Variants in ANKMY2 observed in about 807,000 individuals in gnomAD.
ANKMY2 encodes the protein ankyrin repeat and MYND domain-containing protein 2.
A neutral mutation model predicts 50.4 loss-of-function variants in ANKMY2; 36 were observed. That is an observed-to-expected ratio of 0.71 (90% CI 0.55 to 0.94). The LOEUF (loss-of-function observed/expected upper bound fraction) is 0.94. ANKMY2 is among the 40% of genes least tolerant of loss of function. ANKMY2 has a pLI of 0.00. For missense variants in ANKMY2, 565 were observed against 524.0 expected (o/e 1.08, Z -0.76); for synonymous variants, 187 against 178.8 (o/e 1.05, Z -0.36).
chr7:16,604,715 T>A lies in ANKMY2; in HGVS notation c.1011+6A>T. 6.2e-7 allele frequency: 1 copy of A among 1,613,362 alleles called. No homozygotes were observed. Among genetic ancestry groups the A allele is most frequent in the Non-Finnish European group, 8.5e-7 (1 of 1,179,560 alleles). On this transcript the variant is annotated splice_donor_region_variant and intron_variant, in intron 8 of 9. Coordinates refer to ENST00000306999, the MANE Select transcript of ANKMY2 (RefSeq NM_020319.3). The stretch of plus-strand genomic sequence containing the variant: ...GTCAATGAAATAAAAAGAACTCCAT[T>A]CTTACCATTTTGCAAACTGAACATC...
chr7:16,638,125 A>C (rs1007729397), intron 1 of ANKMY2, among the ~76,000 whole-genome samples: 1 of 152,252 alleles, frequency 6.6e-6, no homozygotes, highest in African/African-American at 2.4e-5. Flanking sequence ...CTGACACCAG[A>C]TATATGGGGT....
intron 2 of ANKMY2, among the ~76,000 whole-genome samples, chr7:16,628,942 CA>C (rs1461264543): frequency 6.6e-6 from 1 of 150,858 alleles, no homozygotes; most frequent in African/African-American, 2.5e-5. Context: ...CAAAACAAAA[CA>C]AAACAAAACA....
rs182744889 is a variant in ANKMY2 at position 16,623,039 on chromosome 7, C to A, written c.370+1944G>T. Among the ~76,000 whole-genome samples, 30 of 152,066 alleles carry A rather than the reference C, an allele frequency of 2.0e-4. 1 individual carries two copies. The highest frequency in any genetic ancestry group is 5.9e-5 in the Non-Finnish European group (4 of 68,008). ...TAGCTGTTGAAGGAAATGAATTACA[C>A]CTACTGAGATGGGAGGAACTTCCAT... On this transcript the variant is annotated intron_variant, in intron 4 of 9. Coordinates refer to ENST00000306999, the MANE Select transcript of ANKMY2 (RefSeq NM_020319.3).
chr7:16,638,609 G>A (rs1049440279), intron 1 of ANKMY2, among the ~76,000 whole-genome samples: 4 of 152,142 alleles, frequency 2.6e-5, no homozygotes, highest in Non-Finnish European at 4.4e-5. Flanking sequence ...ACATAGGTGT[G>A]ACCTATTATT....
intron 8 of ANKMY2, chr7:16,603,544 C>T (rs1258160234): frequency 2.2e-6 from 1 of 454,666 alleles, no homozygotes; most frequent in Non-Finnish European, 4.6e-6. Flanking sequence ...TTATTAAACA[C>T]TTACTGTATG....
intron 4 of ANKMY2, among the ~76,000 whole-genome samples, chr7:16,617,922 T>TTG (rs1215218709): frequency 1.5e-5 from 2 of 132,920 alleles, no homozygotes; most frequent in African/African-American, 8.0e-5. Context: ...AGCGTGTTTT[T>TTG]TTTTTTTTTT....
At chr7:16,641,509 T>G (rs73679824) in intron 1 of ANKMY2, among the ~76,000 whole-genome samples, 23,991 of 152,190 alleles carry the variant, frequency 0.16, 2,277 homozygotes, top group Admixed American at 0.27. Context: ...ATTTTAATTT[T>G]TTCTTTGAAC....
At chr7:16,616,580 C>T (rs529291574) in intron 4 of ANKMY2, among the ~76,000 whole-genome samples, 4 of 149,874 alleles carry the variant, frequency 2.7e-5, no homozygotes, top group South Asian at 4.2e-4. Flanking sequence ...GCGCCCCCCC[C>T]TCCCTAGCTC....
rs187809506 is a variant in ANKMY2 at position 16,603,504 on chromosome 7, G to A, written c.1012-995C>T. ...TGTAAATGGCCTTATATTTTTGCAA[G>A]TAGGGGTGGAAAGGAGATGGGAATG... On this transcript the variant is annotated intron_variant, in intron 8 of 9. Coordinates refer to ENST00000306999, the MANE Select transcript of ANKMY2 (RefSeq NM_020319.3). 263 of 373,982 alleles carry A rather than the reference G, an allele frequency of 7.0e-4. 3 individuals carry two copies. In the Middle Eastern group the frequency reaches 7.9e-3, roughly 11 times the overall value. 23.2% of individuals were successfully genotyped at this position (373,982 alleles called of 1,614,324 possible). A position where few individuals can be genotyped will look rare whatever the true frequency, so the allele number is the denominator to read the frequency against.
At chr7:16,635,952 A>C (rs1781652961) in intron 2 of ANKMY2, among the ~76,000 whole-genome samples, 1 of 152,088 alleles carries the variant, frequency 6.6e-6, no homozygotes, top group Non-Finnish European at 1.5e-5. Context: ...ATTTGCTTAC[A>C]TTTAGTTTAG....
chr7:16,641,695 T>C (rs1278603485), intron 1 of ANKMY2, among the ~76,000 whole-genome samples: 2 of 151,982 alleles, frequency 1.3e-5, no homozygotes, highest in African/African-American at 4.8e-5. Flanking sequence ...ATCCTTCCAC[T>C]GGAAATAAAA....
chr7:16,604,826 G>C lies in ANKMY2; in HGVS notation c.906C>G (p.Ser302=). ...VEIGSDPTAF[S]VLTQAITGQV... is the part of the protein sequence containing the mutation. ...GGCCAGTGATGGCTTGGGTAAGGACGGAGAATGCAGTGGGATCAGAACCCT... is the reference window on the plus strand; with the variant it reads ...GGCCAGTGATGGCTTGGGTAAGGACCGAGAATGCAGTGGGATCAGAACCCT... Residue 302 remains serine, a synonymous_variant, in exon 8 of 10, where the codon TCC becomes TCG. Coordinates refer to ENST00000306999, the MANE Select transcript of ANKMY2 (RefSeq NM_020319.3). The C allele has an allele frequency of 5.0e-6, 8 of 1,613,456 alleles. No homozygotes were observed. Among genetic ancestry groups the C allele is most frequent in the Non-Finnish European group, 6.8e-6 (8 of 1,179,698 alleles).
chr7:16,625,330 C>G (rs1320511559), intron 3 of ANKMY2, among the ~76,000 whole-genome samples: 2 of 152,060 alleles, frequency 1.3e-5, no homozygotes, highest in African/African-American at 4.8e-5. Context: ...TGAATACTGC[C>G]TTTTTAAACA....
intron 7 of ANKMY2, among the ~76,000 whole-genome samples, chr7:16,606,549 G>A (rs2039951372): frequency 6.6e-6 from 1 of 151,970 alleles, no homozygotes; most frequent in South Asian, 2.1e-4. Context: ...ATAGTTCTTT[G>A]TTCTGAGTTT....
chr7:16,635,317 T>C (rs1225418187), intron 2 of ANKMY2, among the ~76,000 whole-genome samples: 1 of 152,172 alleles, frequency 6.6e-6, no homozygotes, highest in East Asian at 1.9e-4. Context: ...ATATTGTGAC[T>C]AAAAGCAAAT....
chr7:16,639,931 G>A (rs112461486), intron 1 of ANKMY2, among the ~76,000 whole-genome samples: 4,311 of 152,056 alleles, frequency 0.028, 216 homozygotes, highest in African/African-American at 0.098. Flanking sequence ...AGGCCAAGGC[G>A]GATGGATCAC....
rs181929353 is a variant in ANKMY2, at chr7:16,603,220, G to A, written c.1012-711C>T. Among the ~76,000 whole-genome samples, 292 of 152,284 alleles carry A rather than the reference G, an allele frequency of 1.9e-3. 1 individual carries two copies. The highest frequency in any genetic ancestry group is 2.8e-3 in the Non-Finnish European group (191 of 68,020). On this transcript the variant is annotated intron_variant, in intron 8 of 9. Coordinates refer to ENST00000306999, the MANE Select transcript of ANKMY2 (RefSeq NM_020319.3). ...GTACAATGACAAGGAAGATAGAGTT[G>A]TCCCAAAGGTAGCTAGCATCAAGAA...
At chr7:16,631,618 C>CTT (rs1179871356) in intron 2 of ANKMY2, among the ~76,000 whole-genome samples, 2 of 143,218 alleles carry the variant, frequency 1.4e-5, no homozygotes, top group Admixed American at 7.0e-5. Flanking sequence ...AGTTTTTCTA[C>CTT]TTTTTTTTTT....
At position 16,610,743 on chromosome 7, in the gene ANKMY2, C is replaced by A; in HGVS notation, c.552G>T (p.Glu184Asp). Residue 184 changes from glutamate to aspartate, a missense_variant, in exon 6 of 10, where the codon GAG (glutamate) becomes GAT (aspartate). Coordinates refer to ENST00000306999, the MANE Select transcript of ANKMY2 (RefSeq NM_020319.3). ...CTGCTTCTTCTGTCAGCAGAGGATT[C>A]TCATTTACAAGCATCACGATCTAGA... Reference protein sequence around the residue: ...HPVKIVMLVNENPLLTEEAAL... With the variant: ...HPVKIVMLVNDNPLLTEEAAL... The A allele has an allele frequency of 6.2e-7, 1 of 1,613,776 alleles. No homozygotes were observed. Among genetic ancestry groups the A allele is most frequent in the Non-Finnish European group, 8.5e-7 (1 of 1,179,922 alleles).
Sources: allele counts gnomAD v4.1 joint callset (sites outside exome capture counted in the v4.1 genomes callset), GRCh38; gene constraint gnomAD v4.1.1; transcripts MANE v1.5; gene names NCBI Gene and HGNC (gene_info 2026-07-23, HGNC 2026-07-21).